The following WDR33 variants were observed in gnomAD, a reference collection of about 807,000 sequenced individuals.
WDR33 encodes the protein pre-mRNA 3' end processing protein WDR33.
In WDR33, 47 loss-of-function variants were observed where a neutral mutation model predicts 164.9. The observed-to-expected ratio is 0.29, with a 90% CI of 0.23 to 0.36. The LOEUF is 0.36. Among genes scored for constraint, WDR33 ranks in the 10% least tolerant of loss-of-function variants. The pLI is 1.00. For synonymous variants in WDR33, 505 were observed against 589.0 expected, an observed-to-expected ratio of 0.86 and a Z score of 2.06; for missense variants, 1,137 against 1,754.1, an observed-to-expected ratio of 0.65 and a Z score of 6.28.
intron 1 of WDR33, among the ~76,000 whole-genome samples, chr2:127,809,311 G>T (rs1689555675): frequency 6.6e-6 from 1 of 151,772 alleles, no homozygotes. Flanking sequence ...AACCGTGATG[G>T]CAAAATCTGT....
rs1352162631 is a variant in WDR33, at chr2:127,784,935, T to C, written c.-23-13931A>G. Among the ~76,000 whole-genome samples the C allele has an allele frequency of 3.9e-5, 6 of 152,220 alleles. No individual in the cohort carries two copies. The East Asian group carries it at 1.2e-3, about 29-fold the overall frequency. On this transcript the variant is annotated intron_variant, in intron 1 of 21. Coordinates refer to ENST00000322313, the MANE Select transcript of WDR33 (RefSeq NM_018383.5). Reference sequence around the variant, plus strand: ...ATTATTGGGAACCTCAATTTCACAATGGCAGATACAAGCTTTCCAAACTTC... The same window carrying C: ...ATTATTGGGAACCTCAATTTCACAACGGCAGATACAAGCTTTCCAAACTTC...
rs553575474 is a variant in WDR33, at chr2:127,702,256, C to T, written c.*4067G>A. On this transcript the variant is annotated 3_prime_UTR_variant, in exon 22 of 22. Coordinates refer to ENST00000322313, the MANE Select transcript of WDR33 (RefSeq NM_018383.5). ...CGCGCCGGCCGAGCTGAGGACTGCA[C>T]GCCGCTGTGCGGAAGCCCGTGGCGA... 37 of 1,147,198 alleles carry T rather than the reference C, an allele frequency of 3.2e-5. No individual in the cohort carries two copies. The South Asian group carries it at 1.1e-3, about 34-fold the overall frequency. 71.1% of individuals were successfully genotyped at this position (1,147,198 alleles called of 1,614,324 possible).
At chr2:127,796,216 G>A (rs996523757) in intron 1 of WDR33, among the ~76,000 whole-genome samples, 3 of 151,600 alleles carry the variant, frequency 2.0e-5, no homozygotes, top group Non-Finnish European at 4.4e-5. Context: ...GGACTATACA[G>A]CATGTGCCAC....
chr2:127,759,877 T>C (rs1034632050), intron 7 of WDR33, among the ~76,000 whole-genome samples: 1 of 151,928 alleles, frequency 6.6e-6, no homozygotes. Context: ...CCTGACTCTA[T>C]TTTTTTAAAA....
chr2:127,741,153 A>C lies in WDR33; in HGVS notation c.725-14376T>G, dbSNP rs1350653175. 6.6e-6 allele frequency among the ~76,000 whole-genome samples: 1 copy of C among 152,218 alleles called. No individual in the cohort carries two copies. Among genetic ancestry groups the C allele is most frequent in the Admixed American group, 6.5e-5 (1 of 15,286 alleles). ...ACAGATGCTCTCAGTCAGACAAAGC[A>C]AATTATACAAAGCACATTTGTTACA... On this transcript the variant is annotated intron_variant, in intron 7 of 21. Transcript: ENST00000322313. The surrounding 1 kb of genome is among the most constrained non-coding windows in gnomAD (Gnocchi z 4.1).
chr2:127,742,637 T>TA (rs1687051716), intron 7 of WDR33, among the ~76,000 whole-genome samples: 1 of 150,422 alleles, frequency 6.6e-6, no homozygotes, highest in Non-Finnish European at 1.5e-5. Context: ...TCCCAATACT[T>TA]AGAGAAAGGG....
Position 127,721,264 on chromosome 2 carries a change from T to A in WDR33, c.1671+572A>T, listed in dbSNP as rs1281307227. On this transcript the variant is annotated intron_variant, in intron 15 of 21. Transcript: ENST00000322313. The surrounding 1 kb of genome is among the most constrained non-coding windows in gnomAD (Gnocchi z 4.9). Reference sequence around the variant, plus strand: ...CTGGGACCACAGGCATGCACCACCATGCCCAGCTAATTTTTGTATTTTCAG... The same window carrying A: ...CTGGGACCACAGGCATGCACCACCAAGCCCAGCTAATTTTTGTATTTTCAG... Among the ~76,000 whole-genome samples the A allele has an allele frequency of 6.6e-6, 1 of 151,974 alleles. No homozygotes were observed. The highest frequency in any genetic ancestry group is 2.4e-5 in the African/African-American group (1 of 41,390).
In WDR33 at chr2:127,720,882, C is replaced by T. The variant is rs1443612942; in HGVS notation, c.1672-529G>A. Among the ~76,000 whole-genome samples the T allele has an allele frequency of 6.6e-6, 1 of 152,006 alleles. No individual in the cohort carries two copies. Among genetic ancestry groups the T allele is most frequent in the Non-Finnish European group, 1.5e-5 (1 of 67,996 alleles). On this transcript the variant is annotated intron_variant, in intron 15 of 21. Transcript: ENST00000322313. This position sits in a 1 kb window ranked among gnomAD's most constrained non-coding sequence, Gnocchi z 5.9. ...CCTAGTCAGGATTATTTTTGTCCAT[C>T]TTGATCAGGGAAAGCCCAATAATTC...
intron 7 of WDR33, among the ~76,000 whole-genome samples, chr2:127,729,589 G>A (rs1387454290): frequency 5.9e-5 from 9 of 151,734 alleles, no homozygotes; most frequent in Middle Eastern, 3.4e-3. Flanking sequence ...TCCGCCTCCC[G>A]GGTTCAAGCG....
chr2:127,781,965 T>C (rs1688385627), intron 1 of WDR33, among the ~76,000 whole-genome samples: 1 of 131,656 alleles, frequency 7.6e-6, no homozygotes, highest in Admixed American at 8.6e-5. Flanking sequence ...GCCATTGCAC[T>C]CCAGCCTGGG....
rs1013971248 is a variant in WDR33, at chr2:127,712,390, G to A, written c.3308+1193C>T. Among the ~76,000 whole-genome samples the A allele has an allele frequency of 1.2e-4, 18 of 149,394 alleles. No individual in the cohort carries two copies. The highest frequency in any genetic ancestry group is 2.7e-4 in the Non-Finnish European group (18 of 67,604). The stretch of plus-strand genomic sequence containing the variant: ...CAGCCTGGCAACAGAGCAAGACTCC[G>A]TCTCAAGAAGAAAAAAAAAAAAAAA... On this transcript the variant is annotated intron_variant, in intron 18 of 21. Transcript: ENST00000322313. The surrounding 1 kb of genome is among the most constrained non-coding windows in gnomAD (Gnocchi z 4.0).
intron 1 of WDR33, among the ~76,000 whole-genome samples, chr2:127,779,974 G>GTTTTTT: frequency 6.9e-6 from 1 of 145,340 alleles, no homozygotes; most frequent in African/African-American, 2.7e-5. Flanking sequence ...AGGTTTTTTT[G>GTTTTTT]ATTTTTTTTT....
intron 1 of WDR33, among the ~76,000 whole-genome samples, chr2:127,792,158 C>T (rs1042667709): frequency 1.3e-5 from 2 of 151,400 alleles, no homozygotes; most frequent in Admixed American, 6.6e-5. Context: ...AGGCTGGTCT[C>T]GAACTCCGGA....
intron 7 of WDR33, among the ~76,000 whole-genome samples, chr2:127,739,127 C>T (rs544501964): frequency 2.0e-5 from 3 of 152,114 alleles, no homozygotes; most frequent in Admixed American, 2.0e-4. Flanking sequence ...AGTATCTACT[C>T]GTGAAGGTGT....
At position 127,701,529 on chromosome 2, in the gene WDR33, A is replaced by C; in HGVS notation, c.*4794T>G. ...CCTTTCTGCCACCGCCTTGTCCAAG[A>C]TGGCGGACCTCCACCGCCAGCTGCA... On this transcript the variant is annotated 3_prime_UTR_variant, in exon 22 of 22. Transcript: ENST00000322313. 1 of 1,328,682 alleles carries C rather than the reference A, an allele frequency of 7.5e-7. No homozygotes were observed. The highest frequency in any genetic ancestry group is 2.1e-5 in the South Asian group (1 of 48,014). The allele number at this position is 1,328,682 out of a possible 1,614,324, so 82.3% of individuals were successfully genotyped here.
chr2:127,704,109 G>C lies in WDR33; in HGVS notation c.*2214C>G, dbSNP rs1358647587. On this transcript the variant is annotated 3_prime_UTR_variant, in exon 22 of 22. Transcript: ENST00000322313. The stretch of plus-strand genomic sequence containing the variant: ...ACTGCACCACAGCCTAGGCAACAGC[G>C]AGACCTTGTCTCAAAAATTTTTTCT... 6.0e-6 allele frequency: 1 copy of C among 166,564 alleles called. No homozygotes were observed. The highest frequency in any genetic ancestry group is 2.4e-5 in the African/African-American group (1 of 41,352). 10.3% of individuals were successfully genotyped at this position (166,564 alleles called of 1,614,324 possible).
intron 7 of WDR33, among the ~76,000 whole-genome samples, chr2:127,740,212 G>A (rs1373673167): frequency 6.6e-6 from 1 of 152,088 alleles, no homozygotes; most frequent in Non-Finnish European, 1.5e-5. Flanking sequence ...TGATGGTTCC[G>A]TCTACATTTT....
rs1685940800 is a variant in WDR33 at position 127,703,458 on chromosome 2, TCCTC to T, written c.*2861_*2864del. On this transcript the variant is annotated 3_prime_UTR_variant, in exon 22 of 22. Transcript: ENST00000322313. ...CGTGCCGCAGTAGAGCACTGCTGCT[TCCTC>T]CAACCCCAAAATTTATGTTCCTAAG... The T allele has an allele frequency of 6.0e-6, 1 of 167,094 alleles. No homozygotes were observed. The highest frequency in any genetic ancestry group is 2.1e-4 in the South Asian group (1 of 4,828). The allele number at this position is 167,094 out of a possible 1,614,324, so 10.4% of individuals were successfully genotyped here.
In WDR33 at chr2:127,717,404, G is replaced by A; in HGVS notation, c.2761-141C>T. On this transcript the variant is annotated intron_variant, in intron 16 of 21. Transcript: ENST00000322313. The surrounding 1 kb of genome is among the most constrained non-coding windows in gnomAD (Gnocchi z 5.6). ...TTACAGTAACATTGTCCTTAAATCA[G>A]GAGAAAGGAGATACTTCTTTTACTA... The A allele has an allele frequency of 1.5e-6, 1 of 647,660 alleles. No individual in the cohort carries two copies. Among genetic ancestry groups the A allele is most frequent in the Non-Finnish European group, 2.4e-6 (1 of 424,346 alleles). The allele number at this position is 647,660 out of a possible 1,614,324, so 40.1% of individuals were successfully genotyped here. A position where few individuals can be genotyped will look rare whatever the true frequency, so the allele number is the denominator to read the frequency against.
Sources: gnomAD v4.1 joint callset for allele counts (sites outside exome capture counted in the v4.1 genomes callset) on GRCh38, gnomAD v4.1.1 for gene constraint, Gnocchi (gnomAD v3.1) non-coding constraint, MANE v1.5 for transcripts, NCBI Gene and HGNC (gene_info 2026-07-23, HGNC 2026-07-21) for gene names.